PDE4D: variants seen among roughly 807,000 people sequenced by gnomAD.
PDE4D encodes phosphodiesterase 4D.
A neutral mutation model predicts 87.4 loss-of-function variants in PDE4D; 24 were observed. The observed-to-expected ratio is 0.27, with a 90% CI of 0.20 to 0.39. The LOEUF is 0.39. Among genes scored for constraint, PDE4D ranks in the 10% least tolerant of loss-of-function variants. The pLI is 1.00. For missense variants in PDE4D, 714 were observed against 1,041.0 expected, an observed-to-expected ratio of 0.69 and a Z score of 4.32; for synonymous variants, 384 against 383.2, an observed-to-expected ratio of 1.00 and a Z score of -0.02.
intron 1 of PDE4D, among the ~76,000 whole-genome samples, chr5:59,273,260 C>T (rs1188978954): frequency 2.6e-5 from 4 of 151,796 alleles, no homozygotes; most frequent in African/African-American, 9.7e-5. Context: ...AATTTGAGGC[C>T]TGTGGCCTTT....
intron 1 of PDE4D, among the ~76,000 whole-genome samples, chr5:59,504,445 G>A (rs1481773693): frequency 3.3e-5 from 5 of 152,096 alleles, no homozygotes; most frequent in Non-Finnish European, 7.4e-5. Flanking sequence ...TAACTAGTAT[G>A]TACCAATCAA....
chr5:59,546,232 T>A (rs1817246032), intron 1 of PDE4D, among the ~76,000 whole-genome samples: 1 of 152,084 alleles, frequency 6.6e-6, no homozygotes, highest in Admixed American at 6.6e-5. Context: ...TACAAAACAG[T>A]TTAGATTATA....
chr5:60,127,665 A>G, intron 2 of PDE4D: 1 of 600,034 alleles, frequency 1.7e-6, no homozygotes, highest in Admixed American at 2.8e-5. Flanking sequence ...GAGAAAAATC[A>G]GGTCGCAGTA....
chr5:59,759,491 CT>C (rs1442242320), intron 1 of PDE4D, among the ~76,000 whole-genome samples: 2 of 152,200 alleles, frequency 1.3e-5, no homozygotes, highest in African/African-American at 2.4e-5. Context: ...GTTTTCTTCA[CT>C]TTTTTCTCAA....
chr5:60,295,410 A>C (rs1378125169), intron 1 of PDE4D, among the ~76,000 whole-genome samples: 2 of 152,206 alleles, frequency 1.3e-5, no homozygotes, highest in African/African-American at 4.8e-5. Context: ...AACAGTCATT[A>C]CTACCTTGTT....
chr5:59,903,972 AC>A (rs1231243073), intron 3 of PDE4D, among the ~76,000 whole-genome samples: 1 of 152,192 alleles, frequency 6.6e-6, no homozygotes, highest in African/African-American at 2.4e-5. Context: ...GCCAAGTTTT[AC>A]AGCTTTGCTG....
At chr5:59,874,109 A>G (rs1231265947) in intron 1 of PDE4D, among the ~76,000 whole-genome samples, 2 of 152,092 alleles carry the variant, frequency 1.3e-5, no homozygotes, top group Admixed American at 1.3e-4. Flanking sequence ...AGGCTGAGGC[A>G]GTAGGATCCT....
At chr5:59,816,919 C>A (rs971980420) in intron 1 of PDE4D, among the ~76,000 whole-genome samples, 1 of 152,154 alleles carries the variant, frequency 6.6e-6, no homozygotes, top group Non-Finnish European at 1.5e-5. Context: ...TTCCTAGATC[C>A]ACAGCATGGC....
Position 60,102,611 on chromosome 5 carries a change from T to C in PDE4D, c.42+82946A>G, listed in dbSNP as rs181413109. Reference sequence around the variant, plus strand: ...GGTAGCTAGGGAACCAGTTTTTCAATAGTAACATTATTCACACTGATAGAG... The same window carrying C: ...GGTAGCTAGGGAACCAGTTTTTCAACAGTAACATTATTCACACTGATAGAG... On this transcript the variant is annotated intron_variant, in intron 2 of 16. Coordinates refer to the PDE4D transcript ENST00000502484. Among the ~76,000 whole-genome samples, 356 of 152,242 alleles carry C rather than the reference T, an allele frequency of 2.3e-3. 1 individual carries two copies. Among genetic ancestry groups the C allele is most frequent in the Admixed American group, 5.4e-3 (83 of 15,280 alleles).
intron 3 of PDE4D, among the ~76,000 whole-genome samples, chr5:59,949,434 C>CAAAAAAAA (rs59654913): frequency 1.9e-4 from 11 of 57,508 alleles, no homozygotes; most frequent in African/African-American, 2.4e-4. Flanking sequence ...CTCCGTCTCA[C>CAAAAAAAA]AAAAAAAAAA....
intron 1 of PDE4D, among the ~76,000 whole-genome samples, chr5:59,218,723 G>T (rs367663927): frequency 2.9e-4 from 44 of 152,018 alleles, no homozygotes; most frequent in African/African-American, 1.1e-3. Context: ...CCCTTTAAAT[G>T]ACATCCAAAA....
chr5:60,484,682 G>A (rs948736483), intron 1 of PDE4D, among the ~76,000 whole-genome samples: 1 of 152,090 alleles, frequency 6.6e-6, no homozygotes, highest in Non-Finnish European at 1.5e-5. Context: ...TTAAACAAAT[G>A]TAAGGTCCAA....
At chr5:60,041,589 T>C (rs1768485042) in intron 2 of PDE4D, among the ~76,000 whole-genome samples, 1 of 152,158 alleles carries the variant, frequency 6.6e-6, no homozygotes, top group African/African-American at 2.4e-5. Flanking sequence ...TCTGCATTTC[T>C]AACGGAGATA....
In PDE4D at chr5:60,028,038, A is replaced by T. The variant is rs1043978560; in HGVS notation, c.43-39321T>A. On this transcript the variant is annotated intron_variant, in intron 2 of 16. Coordinates refer to the PDE4D transcript ENST00000502484. ...ATTCACCTCCAAACAGAGGACCCTG[A>T]AATACTTCTCTCTTATTTCACTTCT... Among the ~76,000 whole-genome samples, 3 of 152,096 alleles carry T rather than the reference A, an allele frequency of 2.0e-5. No homozygotes were observed. In the South Asian group the frequency reaches 6.2e-4, roughly 32 times the overall value.
intron 2 of PDE4D, among the ~76,000 whole-genome samples, chr5:60,049,718 C>T (rs1031013338): frequency 4.6e-5 from 7 of 152,200 alleles, no homozygotes; most frequent in South Asian, 4.1e-4. Flanking sequence ...AGGCAGTCTG[C>T]CCGTTCTCAG....
intron 1 of PDE4D, among the ~76,000 whole-genome samples, chr5:60,285,827 T>C (rs563194902): frequency 6.6e-6 from 1 of 152,340 alleles, no homozygotes; most frequent in South Asian, 2.1e-4. Context: ...GTACAAACCC[T>C]GGCATGTGAG....
intron 2 of PDE4D, among the ~76,000 whole-genome samples, chr5:60,165,642 T>C (rs1356491653): frequency 1.3e-5 from 2 of 151,208 alleles, no homozygotes; most frequent in African/African-American, 4.8e-5. Context: ...TCCATGAACA[T>C]GAAATATCTT....
chr5:59,400,330 A>G (rs1186089128), intron 1 of PDE4D, among the ~76,000 whole-genome samples: 3 of 119,710 alleles, frequency 2.5e-5, no homozygotes, highest in Non-Finnish European at 5.1e-5. Flanking sequence ...CTTGGAACCA[A>G]CCCAAATGTC....
intron 5 of PDE4D, among the ~76,000 whole-genome samples, chr5:59,048,667 G>C (rs887104783): frequency 1.3e-5 from 2 of 152,148 alleles, no homozygotes; most frequent in Non-Finnish European, 2.9e-5. Flanking sequence ...AGGGGTACAT[G>C]TTTTCTATTT....
Sources: allele counts gnomAD v4.1 joint callset (sites outside exome capture counted in the v4.1 genomes callset), GRCh38; gene constraint gnomAD v4.1.1; transcripts MANE v1.5; gene names NCBI Gene and HGNC (gene_info 2026-07-23, HGNC 2026-07-21).